The following GIT2 variants were observed in gnomAD, a reference collection of about 807,000 sequenced individuals.
GIT2 encodes the protein ARF GTPase-activating protein GIT2.
A neutral mutation model predicts 100.3 loss-of-function variants in GIT2; 32 were observed. The ratio of observed to expected loss-of-function variants is 0.32; its 90% CI spans 0.24 to 0.43. The LOEUF (loss-of-function observed/expected upper bound fraction) is 0.43, where lower values mean the gene tolerates loss of function less well. Among genes scored for constraint, GIT2 ranks in the 20% least tolerant of loss-of-function variants. The pLI, the probability that GIT2 is intolerant of heterozygous loss-of-function variation, is 1.00. For missense variants in GIT2, 737 were observed against 975.1 expected (o/e 0.76, Z 3.25); for synonymous variants, 353 against 364.1 (o/e 0.97, Z 0.35).
chr12:109,985,703 A>T (rs1238472436), intron 4 of GIT2, among the ~76,000 whole-genome samples: 1 of 152,094 alleles, frequency 6.6e-6, no homozygotes, highest in Non-Finnish European at 1.5e-5. Flanking sequence ...TACAAAAAAA[A>T]TTAGCCGGGC....
chr12:109,991,561 A>G lies in GIT2; in HGVS notation c.186+66T>C, dbSNP rs1380886510. 5 of 1,287,990 alleles carry G rather than the reference A, an allele frequency of 3.9e-6. No individual in the cohort carries two copies. The African/African-American group carries it at 7.4e-5, about 19-fold the overall frequency. The allele number at this position is 1,287,990 out of a possible 1,614,324, so 79.8% of individuals were successfully genotyped here. A position where few individuals can be genotyped will look rare whatever the true frequency, so the allele number is the denominator to read the frequency against. On this transcript the variant is annotated intron_variant, in intron 2 of 19. Transcript: ENST00000355312. ...GGAAGAAGTACACCAGGAGAAATTT[A>G]AGTTATTAACATGATGAGCCCTAAA...
At chr12:109,998,949 T>A (rs1023629091), upstream of GIT2, 3 of 152,208 alleles carry the variant, frequency 2.0e-5, no homozygotes, top group Admixed American at 2.0e-4. Context: ...AGTAGAAATA[T>A]CCCCTTTTAT....
At chr12:109,967,379 AAT>A in intron 8 of GIT2, 77 bp downstream of exon 8, 1 of 1,531,348 alleles carries the variant, frequency 6.5e-7, no homozygotes. Context: ...TTAAACACAA[AAT>A]ATAATATACT....
chr12:109,982,536 A>T (rs1438591554), intron 6 of GIT2: 1 of 152,114 alleles, frequency 6.6e-6, no homozygotes, highest in African/African-American at 2.4e-5. Flanking sequence ...AGGAAAGATG[A>T]CTGATCTTTG....
rs534909152 is a variant in GIT2, at chr12:109,948,815, C to T, written c.1393-1311G>A. 29 of 1,604,038 alleles carry T rather than the reference C, an allele frequency of 1.8e-5. No homozygotes were observed. In the Admixed American group the frequency reaches 3.4e-4, roughly 19 times the overall value. ...GAAAAATACACCAATAGTAGTTGCT[C>T]CTCTTCATTAATTAGCATCTTTTCC... On this transcript the variant is annotated intron_variant, in intron 14 of 19. Transcript: ENST00000355312. The surrounding 1 kb of genome is among the most constrained non-coding windows in gnomAD (Gnocchi z 4.3).
intron 18 of GIT2, among the ~76,000 whole-genome samples, chr12:109,936,679 C>T (rs1388637646): frequency 6.6e-6 from 1 of 152,088 alleles, no homozygotes; most frequent in Non-Finnish European, 1.5e-5. Flanking sequence ...ACCAGCCTGG[C>T]CAACATGGTG....
At chr12:109,965,483 C>A in intron 9 of GIT2, 43 bp downstream of exon 9, 1 of 1,179,170 alleles carries the variant, frequency 8.5e-7, no homozygotes, top group Non-Finnish European at 1.2e-6. Context: ...GCAGGGTGCA[C>A]TGATTCTCAT....
chr12:109,978,224 AG>A (rs1166918197), intron 7 of GIT2, among the ~76,000 whole-genome samples: 2 of 151,802 alleles, frequency 1.3e-5, no homozygotes, highest in East Asian at 3.9e-4. Context: ...CTGGGATTAC[AG>A]GTGCGCACCA....
chr12:109,936,401 G>A (rs1872999043), intron 18 of GIT2, among the ~76,000 whole-genome samples: 1 of 152,044 alleles, frequency 6.6e-6, no homozygotes. Flanking sequence ...AATGGCCTCA[G>A]GGCAGATATT....
At chr12:109,999,651 G>T (rs761660891), upstream of GIT2, 3 of 1,489,402 alleles carry the variant, frequency 2.0e-6, no homozygotes, top group Non-Finnish European at 2.7e-6. This position sits in a 1 kb window ranked among gnomAD's most constrained non-coding sequence, Gnocchi z 4.3. Flanking sequence ...GCCGAGACTT[G>T]GGGCGGGCGA....
intron 8 of GIT2, among the ~76,000 whole-genome samples, chr12:109,966,365 C>T (rs564027625): frequency 6.6e-6 from 1 of 151,554 alleles, no homozygotes; most frequent in Non-Finnish European, 1.5e-5. Context: ...AAAAATTAGC[C>T]TGGTGTGGTG....
intron 7 of GIT2, among the ~76,000 whole-genome samples, chr12:109,972,906 T>G (rs1884239139): frequency 6.6e-6 from 1 of 152,176 alleles, no homozygotes; most frequent in Non-Finnish European, 1.5e-5. Context: ...CACTGTAGCC[T>G]TGACCTCCTG....
At chr12:109,990,736 G>A (rs895415644) in intron 2 of GIT2, among the ~76,000 whole-genome samples, 4 of 152,276 alleles carry the variant, frequency 2.6e-5, no homozygotes, top group Middle Eastern at 3.4e-3. Context: ...AGAAGTAAAG[G>A]TGACATGACA....
chr12:109,929,916 A>G lies in GIT2; in HGVS notation c.*3062T>C, dbSNP rs916529673. 6.6e-6 allele frequency: 1 copy of G among 152,648 alleles called. No homozygotes were observed. Among genetic ancestry groups the G allele is most frequent in the Non-Finnish European group, 1.5e-5 (1 of 68,048 alleles). The allele number at this position is 152,648 out of a possible 1,614,324, so 9.5% of individuals were successfully genotyped here. On this transcript the variant is annotated 3_prime_UTR_variant, in exon 20 of 20. Coordinates refer to ENST00000355312, the MANE Select transcript of GIT2 (RefSeq NM_057169.5). ...ATAGAATGTACAATAAAAAGTACAG[A>G]ATAATGAGTGACAGGGATCAAACAC...
In GIT2 at chr12:109,933,072, T is replaced by C. The variant is rs780219011; in HGVS notation, c.2186A>G (p.Gln729Arg). 1.2e-5 allele frequency: 20 copies of C among 1,613,650 alleles called. No individual in the cohort carries two copies. Among genetic ancestry groups the C allele is most frequent in the Non-Finnish European group, 1.6e-5 (19 of 1,179,616 alleles). ...CTGGATGACCTGCTGCGTGACCAGC[T>C]GAACGTCTGTGGGTGAGCCGGGGTC... ...PGDPGSPTDV[Q>R]LVTQQVIQCA... The change falls in exon 20 of 20, where the codon CAG (glutamine) becomes CGG (arginine). Residue 729 changes from glutamine (Q) to arginine (R), a missense_variant. Physicochemically the swap from Gln to Arg is conservative, Grantham distance 43 (BLOSUM62 1). Around this residue, in one of 3 missense-constraint regions of GIT2, gnomAD observed 451 missense variants for 543.7 expected, o/e 0.83. Transcript: ENST00000355312. This position sits in a 1 kb window ranked among gnomAD's most constrained non-coding sequence, Gnocchi z 4.5.
At position 109,981,342 on chromosome 12, in the gene GIT2, A is replaced by G. The variant is rs1365534437; in HGVS notation, c.624-296T>C. On this transcript the variant is annotated intron_variant, in intron 6 of 19. Coordinates refer to ENST00000355312, the MANE Select transcript of GIT2 (RefSeq NM_057169.5). ...CAGAATGACTTAATTTAATGAGGTA[A>G]AAAAATGAAATTAATCAATGGTTTA... is the stretch of plus-strand genomic sequence containing the variant. The G allele has an allele frequency of 1.4e-5, 4 of 278,066 alleles. No individual in the cohort carries two copies. The Admixed American group carries it at 1.9e-4, about 13-fold the overall frequency. 17.2% of individuals were successfully genotyped at this position (278,066 alleles called of 1,614,324 possible).
chr12:109,958,070 G>A (rs1325689039), intron 12 of GIT2, among the ~76,000 whole-genome samples: 1 of 151,576 alleles, frequency 6.6e-6, no homozygotes, highest in Non-Finnish European at 1.5e-5. Context: ...TCAGCCTCCT[G>A]AGTAGCTGGG....
Position 109,947,855 on chromosome 12 carries a change from A to C in GIT2, c.1393-351T>G, listed in dbSNP as rs889623893. The C allele has an allele frequency of 5.0e-6, 1 of 201,004 alleles. No homozygotes were observed. The highest frequency in any genetic ancestry group is 2.3e-5 in the African/African-American group (1 of 42,724). 12.5% of individuals were successfully genotyped at this position (201,004 alleles called of 1,614,324 possible). A position where few individuals can be genotyped will look rare whatever the true frequency, so the allele number is the denominator to read the frequency against. On this transcript the variant is annotated intron_variant, in intron 14 of 19. Coordinates refer to ENST00000355312, the MANE Select transcript of GIT2 (RefSeq NM_057169.5). The surrounding 1 kb of genome is among the most constrained non-coding windows in gnomAD (Gnocchi z 4.3). Reference sequence around the variant, plus strand: ...CTGGATTATTACTAAGGCTGTTTCAAGCAAGAGTTCGAGATCATTAAAACA... The same window carrying C: ...CTGGATTATTACTAAGGCTGTTTCACGCAAGAGTTCGAGATCATTAAAACA...
At position 109,989,700 on chromosome 12, in the gene GIT2, C is replaced by T; in HGVS notation, c.289G>A (p.Asp97Asn). Residue 97 changes from aspartate to asparagine, a missense_variant, in exon 3 of 20, where the codon GAT becomes AAT. By Grantham distance (23) the Asp-to-Asn change is conservative (BLOSUM62 1). Coordinates refer to ENST00000355312, the MANE Select transcript of GIT2 (RefSeq NM_057169.5). Reference protein sequence around the residue: ...MSGRRKANPQDKVHPNKAEFI... With the variant: ...MSGRRKANPQNKVHPNKAEFI... ...AAACATTCCACTCACTGTACTTTAT[C>T]CTGTGGATTAGCTTTACGTCTTCCA... 6 of 1,479,318 alleles carry T rather than the reference C, an allele frequency of 4.1e-6. No individual in the cohort carries two copies. Among genetic ancestry groups the T allele is most frequent in the Non-Finnish European group, 5.7e-6 (6 of 1,057,332 alleles). The allele number at this position is 1,479,318 out of a possible 1,614,324, so 91.6% of individuals were successfully genotyped here. A position where few individuals can be genotyped will look rare whatever the true frequency, so the allele number is the denominator to read the frequency against.
Sources: gnomAD v4.1 joint callset for allele counts (sites outside exome capture counted in the v4.1 genomes callset) on GRCh38, gnomAD v4.1.1 for gene constraint, gnomAD v4.1.1 regional missense constraint, Gnocchi (gnomAD v3.1) non-coding constraint, MANE v1.5 for transcripts, NCBI Gene and HGNC (gene_info 2026-07-23, HGNC 2026-07-21) for gene names.